Variants in TBKBP1 observed in about 807,000 individuals in gnomAD.
TBKBP1 encodes TANK-binding kinase 1-binding protein 1.
In TBKBP1, 47 loss-of-function variants were observed where a neutral mutation model predicts 69.9. The observed-to-expected ratio is 0.67, with a 90% CI of 0.53 to 0.86. The LOEUF (loss-of-function observed/expected upper bound fraction) is 0.86. TBKBP1 is among the 40% of genes least tolerant of loss of function. The pLI is 0.00. For synonymous variants in TBKBP1, 418 were observed against 390.3 expected (o/e 1.07, Z -0.84); for missense variants, 831 against 858.6 (o/e 0.97, Z 0.40).
chr17:47,709,248 G>T lies in TBKBP1; in HGVS notation c.1515G>T (p.Pro505=). 6.6e-7 allele frequency: 1 copy of T among 1,522,112 alleles called. No homozygotes were observed. Among genetic ancestry groups the T allele is most frequent in the Non-Finnish European group, 8.7e-7 (1 of 1,143,592 alleles). The allele number at this position is 1,522,112 out of a possible 1,614,324, so 94.3% of individuals were successfully genotyped here. A position where few individuals can be genotyped will look rare whatever the true frequency, so the allele number is the denominator to read the frequency against. ...ACGGCCCTGGCAGGCCCCTCAGCCCGCGGCGCGCCTTCGAGGGCATCCGGC... is the reference window on the plus strand; with the variant it reads ...ACGGCCCTGGCAGGCCCCTCAGCCCTCGGCGCGCCTTCGAGGGCATCCGGC... The part of the protein sequence containing the change: ...ELYGPGRPLS[P]RRAFEGIRLR... The change falls in exon 9 of 10, where the codon CCG becomes CCT. Residue 505 remains proline, a synonymous_variant. Transcript: ENST00000578982.
chr17:47,709,014 G>GCCA lies in TBKBP1; in HGVS notation c.1284_1286dup (p.Pro434dup). The GCCA allele has an allele frequency of 8.5e-7, 1 of 1,181,710 alleles. No homozygotes were observed. Among genetic ancestry groups the GCCA allele is most frequent in the Non-Finnish European group, 1.0e-6 (1 of 952,978 alleles). The allele number at this position is 1,181,710 out of a possible 1,614,324, so 73.2% of individuals were successfully genotyped here. A position where few individuals can be genotyped will look rare whatever the true frequency, so the allele number is the denominator to read the frequency against. On this transcript the variant is annotated inframe_insertion, in exon 9 of 10. Coordinates refer to ENST00000578982, the MANE Select transcript of TBKBP1 (RefSeq NM_001394755.1). Reference sequence around the variant, plus strand: ...CCAGCTGCCCGGCCCCGCAGCCCCGGCCACCGCCGCCGCCCCCGCCGGGCG... The same window carrying GCCA: ...CCAGCTGCCCGGCCCCGCAGCCCCGGCCACCACCGCCGCCGCCCCCGCCGGGCG...
Position 47,708,354 on chromosome 17 carries a change from C to G in TBKBP1, c.873-40C>G. 1 of 1,604,412 alleles carries G rather than the reference C, an allele frequency of 6.2e-7. No homozygotes were observed. Among genetic ancestry groups the G allele is most frequent in the South Asian group, 1.1e-5 (1 of 90,698 alleles). ...TCCTCCACAGCTGGGACGGTAGACCCACTGCCCTTCTCGTCTTTCCCACTG... is the reference window on the plus strand; with the variant it reads ...TCCTCCACAGCTGGGACGGTAGACCGACTGCCCTTCTCGTCTTTCCCACTG... On this transcript the variant is annotated intron_variant, in intron 7 of 9. Coordinates refer to ENST00000578982, the MANE Select transcript of TBKBP1 (RefSeq NM_001394755.1). The surrounding 1 kb of genome is among the most constrained non-coding windows in gnomAD (Gnocchi z 4.4).
chr17:47,696,252 C>T lies in TBKBP1; in HGVS notation c.140C>T (p.Ala47Val). Residue 47 changes from alanine to valine, a missense_variant, in exon 2 of 10, where the codon GCT (alanine) becomes GTT (valine). Transcript: ENST00000578982. ...CSASHFALIT[A>V]YGDIKERLGG... ...GCCTCCCACTTTGCCCTCATCACTGCTTACGGAGACATCAAGGAACGGCTG... is the reference window on the plus strand; with the variant it reads ...GCCTCCCACTTTGCCCTCATCACTGTTTACGGAGACATCAAGGAACGGCTG... 2 of 1,613,722 alleles carry T rather than the reference C, an allele frequency of 1.2e-6. No homozygotes were observed. The highest frequency in any genetic ancestry group is 1.7e-6 in the Non-Finnish European group (2 of 1,179,856).
At chr17:47,696,037 C>G (rs1234569133) in intron 1 of TBKBP1, 42 bp from the exon 2 acceptor site, 1 of 1,224,122 alleles carries the variant, frequency 8.2e-7, no homozygotes. Context: ...GGGACAAACC[C>G]TAGACAGACG....
intron 1 of TBKBP1, chr17:47,694,525 G>A (rs1167911930): frequency 6.6e-6 from 1 of 152,166 alleles, no homozygotes; most frequent in Admixed American, 6.5e-5. Context: ...GAGCGAAAGG[G>A]GTTTAAAGGG....
At position 47,709,058 on chromosome 17, in the gene TBKBP1, G is replaced by A. The variant is rs2031813485; in HGVS notation, c.1325G>A (p.Arg442His). The stretch of plus-strand genomic sequence containing the variant: ...CCGGGCGAGAGGACGCTGGCCGAGC[G>A]CGCCTACGCCAAGCCGCCCAGCCAC... ...PPPGERTLAE[R>H]AYAKPPSHHV... The change falls in exon 9 of 10, where the codon CGC becomes CAC. Residue 442 changes from arginine to histidine, a missense_variant. Coordinates refer to ENST00000578982, the MANE Select transcript of TBKBP1 (RefSeq NM_001394755.1). 1.5e-6 allele frequency: 2 copies of A among 1,326,850 alleles called. No homozygotes were observed. Among genetic ancestry groups the A allele is most frequent in the South Asian group, 1.7e-5 (1 of 57,542 alleles). 82.2% of individuals were successfully genotyped at this position (1,326,850 alleles called of 1,614,324 possible).
In TBKBP1 at chr17:47,709,355, G is replaced by T. The variant is rs1174414272; in HGVS notation, c.1622G>T (p.Arg541Leu). Residue 541 changes from arginine to leucine, a missense_variant, in exon 9 of 10, where the codon CGC (arginine) becomes CTC (leucine). Physicochemically the swap from Arg to Leu is moderately radical, Grantham distance 102. Transcript: ENST00000578982. ...CCCAGCCCGGAGGTGGGCACCATCC[G>T]CTGCGCCTCCTTCTGCGCGGGCTTC... is the stretch of plus-strand genomic sequence containing the variant. ...SPPSPEVGTI[R>L]CASFCAGFPI... 1 of 1,527,068 alleles carries T rather than the reference G, an allele frequency of 6.5e-7. No individual in the cohort carries two copies. The highest frequency in any genetic ancestry group is 8.7e-7 in the Non-Finnish European group (1 of 1,143,550). The allele number at this position is 1,527,068 out of a possible 1,614,324, so 94.6% of individuals were successfully genotyped here. A position where few individuals can be genotyped will look rare whatever the true frequency, so the allele number is the denominator to read the frequency against.
At chr17:47,706,828 G>GACACAC (rs55849029) in intron 7 of TBKBP1, among the ~76,000 whole-genome samples, 9,060 of 134,050 alleles carry the variant, frequency 0.068, 349 homozygotes, top group South Asian at 0.085. Context: ...GTTAGACTTA[G>GACACAC]ACACACACAC....
In TBKBP1 at chr17:47,696,360, G is replaced by A. The variant is rs371923653; in HGVS notation, c.225+23G>A. On this transcript the variant is annotated intron_variant, in intron 2 of 9. Coordinates refer to ENST00000578982, the MANE Select transcript of TBKBP1 (RefSeq NM_001394755.1). The stretch of plus-strand genomic sequence containing the variant: ...AAGGTCAGAACTTGGAGAGGAGGGC[G>A]CCTGATAGAGTGTATGGGATGGGGA... 70 of 1,607,580 alleles carry A rather than the reference G, an allele frequency of 4.4e-5. No individual in the cohort carries two copies. In the African/African-American group the frequency reaches 6.5e-4, roughly 15 times the overall value.
rs371254456 is a variant in TBKBP1, at chr17:47,701,807, C to G, written c.872+2110C>G. 1.4e-4 allele frequency among the ~76,000 whole-genome samples: 21 copies of G among 152,312 alleles called. No homozygotes were observed. The East Asian group carries it at 1.9e-3, about 14-fold the overall frequency. On this transcript the variant is annotated intron_variant, in intron 7 of 9. Transcript: ENST00000578982. ...TTCTGGCAAGAGCAGCCCCTTCCCT[C>G]TCTCTCTCAAGGCTCCTGCCCTTCT... is the stretch of plus-strand genomic sequence containing the variant.
At chr17:47,710,354 A>G in intron 9 of TBKBP1, 144 bp from the exon 10 acceptor site, 1 of 1,067,884 alleles carries the variant, frequency 9.4e-7, no homozygotes, top group Non-Finnish European at 1.3e-6. Context: ...GGTGTGGGGG[A>G]GGACGGTGCT....
In TBKBP1 at chr17:47,708,580, A is replaced by G; in HGVS notation, c.991+68A>G. The stretch of plus-strand genomic sequence containing the variant: ...GAAGGAGCGGGTAGCCATGGCAACC[A>G]TCTTGGTCATGGGGACCACCCTTTA... On this transcript the variant is annotated intron_variant, in intron 8 of 9. Transcript: ENST00000578982. This position sits in a 1 kb window ranked among gnomAD's most constrained non-coding sequence, Gnocchi z 4.4. 6.4e-7 allele frequency: 1 copy of G among 1,563,146 alleles called. No homozygotes were observed. The highest frequency in any genetic ancestry group is 8.8e-7 in the Non-Finnish European group (1 of 1,141,880).
rs757832308 is a variant in TBKBP1, at chr17:47,708,493, G to A, written c.972G>A (p.Gln324=). ...LQGRILRTLL[Q]EQARSGGQRH... ...GGAGAATCTTGAGGACTCTGTTGCA[G>A]GAACAGGCCCGGAGTGGCGGTGAGA... Residue 324 remains glutamine, a synonymous_variant, in exon 8 of 10, where the codon CAG becomes CAA. Coordinates refer to ENST00000578982, the MANE Select transcript of TBKBP1 (RefSeq NM_001394755.1). The surrounding 1 kb of genome is among the most constrained non-coding windows in gnomAD (Gnocchi z 4.4). 4 of 1,613,878 alleles carry A rather than the reference G, an allele frequency of 2.5e-6. No homozygotes were observed. The highest frequency in any genetic ancestry group is 3.4e-6 in the Non-Finnish European group (4 of 1,179,832).
In TBKBP1 at chr17:47,709,087, G is replaced by A. The variant is rs1264360386; in HGVS notation, c.1354G>A (p.Val452Met). The change falls in exon 9 of 10, where the codon GTG (valine) becomes ATG (methionine). Residue 452 changes from valine to methionine, a missense_variant. Val to Met is a conservative substitution (Grantham distance 21). Coordinates refer to ENST00000578982, the MANE Select transcript of TBKBP1 (RefSeq NM_001394755.1). ...CTACGCCAAGCCGCCCAGCCACCACGTGAAGGCCGGCTTCCAGGGCCGCCG... is the reference window on the plus strand; with the variant it reads ...CTACGCCAAGCCGCCCAGCCACCACATGAAGGCCGGCTTCCAGGGCCGCCG... ...RAYAKPPSHH[V>M]KAGFQGRRSY... 5.2e-6 allele frequency: 7 copies of A among 1,357,916 alleles called. No homozygotes were observed. The African/African-American group carries it at 7.8e-5, about 15-fold the overall frequency. 84.1% of individuals were successfully genotyped at this position (1,357,916 alleles called of 1,614,324 possible).
At chr17:47,707,528 T>A (rs2031740374) in intron 7 of TBKBP1, among the ~76,000 whole-genome samples, 1 of 152,210 alleles carries the variant, frequency 6.6e-6, no homozygotes, top group African/African-American at 2.4e-5. Flanking sequence ...GGAATATAAA[T>A]ACAATGACGT....
At position 47,709,429 on chromosome 17, in the gene TBKBP1, G is replaced by A. The variant is rs1273884824; in HGVS notation, c.1696G>A (p.Ala566Thr). 1 of 1,539,976 alleles carries A rather than the reference G, an allele frequency of 6.5e-7. No individual in the cohort carries two copies. Among genetic ancestry groups the A allele is most frequent in the South Asian group, 1.2e-5 (1 of 84,156 alleles). ...CACCGCCTACGCCCACGCCGAGCAC[G>A]CGCAGTCCTGGCCGTCCATCAACGT... ...AATAYAHAEH[A>T]QSWPSINLLM... Residue 566 changes from alanine (A) to threonine (T), a missense_variant, in exon 9 of 10, where the codon GCG becomes ACG. Physicochemically the swap from Ala to Thr is moderately conservative, Grantham distance 58. Transcript: ENST00000578982.
In TBKBP1 at chr17:47,709,315, G is replaced by A. The variant is rs914429100; in HGVS notation, c.1582G>A (p.Val528Met). ...GCCGTCGGAGGAGGACGAGTGGGCTGTGCCCACCAGCCCGCCCAGCCCGGA... is the reference window on the plus strand; with the variant it reads ...GCCGTCGGAGGAGGACGAGTGGGCTATGCCCACCAGCCCGCCCAGCCCGGA... The part of the protein sequence containing the change: ...KQPSEEDEWA[V>M]PTSPPSPEVG... The change falls in exon 9 of 10, where the codon GTG becomes ATG. Residue 528 changes from valine (V) to methionine (M), a missense_variant. Val to Met is a conservative substitution (Grantham distance 21). Transcript: ENST00000578982. 1.3e-6 allele frequency: 2 copies of A among 1,528,490 alleles called. No homozygotes were observed. Among genetic ancestry groups the A allele is most frequent in the African/African-American group, 1.4e-5 (1 of 71,506 alleles). 94.7% of individuals were successfully genotyped at this position (1,528,490 alleles called of 1,614,324 possible). A position where few individuals can be genotyped will look rare whatever the true frequency, so the allele number is the denominator to read the frequency against.
chr17:47,694,942 C>T (rs1323858749), intron 1 of TBKBP1, among the ~76,000 whole-genome samples: 1 of 151,798 alleles, frequency 6.6e-6, no homozygotes, highest in Non-Finnish European at 1.5e-5. Flanking sequence ...GCACCCCAAG[C>T]TCCTGCAGCC....
At chr17:47,697,455 G>A (rs2031296203) in intron 4 of TBKBP1, among the ~76,000 whole-genome samples, 1 of 152,216 alleles carries the variant, frequency 6.6e-6, no homozygotes, top group Non-Finnish European at 1.5e-5. Flanking sequence ...GGGAACCTCT[G>A]TCTCTGTGTG....
Sources: gnomAD v4.1 joint callset for allele counts (sites outside exome capture counted in the v4.1 genomes callset) on GRCh38, gnomAD v4.1.1 for gene constraint, Gnocchi (gnomAD v3.1) non-coding constraint, MANE v1.5 for transcripts, NCBI Gene and HGNC (gene_info 2026-07-23, HGNC 2026-07-21) for gene names.